Variants in CALN1 observed in about 807,000 individuals in gnomAD.
CALN1 encodes calcium-binding protein 8.
A neutral mutation model predicts 30.6 loss-of-function variants in CALN1; 17 were observed. That is an observed-to-expected ratio of 0.56 (90% confidence interval 0.38 to 0.83). CALN1 has a LOEUF of 0.83. Ranked by LOEUF, CALN1 falls within the 40% of genes least tolerant of loss-of-function variation. The probability of loss-of-function intolerance (pLI) is 0.00; values close to 1 mark genes in which losing one functional copy is unlikely to be tolerated. For synonymous variants in CALN1, 156 were observed against 131.4 expected (o/e 1.19, Z -1.28); for missense variants, 291 against 354.9 (o/e 0.82, Z 1.45).
intron 4 of CALN1, among the ~76,000 whole-genome samples, chr7:72,043,371 A>C (rs1281711799): frequency 6.6e-6 from 1 of 152,232 alleles, no homozygotes; most frequent in African/African-American, 2.4e-5. Flanking sequence ...CAACAAGCAC[A>C]AAGTTTGTAT....
chr7:71,852,984 G>A (rs1790737095), intron 5 of CALN1, among the ~76,000 whole-genome samples: 2 of 152,094 alleles, frequency 1.3e-5, no homozygotes, highest in African/African-American at 4.8e-5. Context: ...TTCTCAGATA[G>A]ATACGTTGAA....
At chr7:72,079,095 A>G (rs1022466517) in intron 4 of CALN1, among the ~76,000 whole-genome samples, 2 of 152,172 alleles carry the variant, frequency 1.3e-5, no homozygotes, top group African/African-American at 4.8e-5. Flanking sequence ...GCTCTATTCT[A>G]GGCTAATAGA....
At chr7:72,182,106 TAAAG>T (rs1259676620) in intron 3 of CALN1, among the ~76,000 whole-genome samples, 4 of 152,154 alleles carry the variant, frequency 2.6e-5, no homozygotes, top group Admixed American at 6.5e-5. Flanking sequence ...ACAGGCTTCT[TAAAG>T]AAATAAATGA....
chr7:71,944,653 C>A (rs1796317390), intron 5 of CALN1, among the ~76,000 whole-genome samples: 1 of 146,336 alleles, frequency 6.8e-6, no homozygotes, highest in African/African-American at 2.5e-5. Context: ...TAATAATTTA[C>A]CTATTGTGTC....
At position 72,390,778 on chromosome 7, in the gene CALN1, A is replaced by G. The variant is rs564328393; in HGVS notation, c.119+12473T>C. Among the ~76,000 whole-genome samples, 8 of 152,326 alleles carry G rather than the reference A, an allele frequency of 5.3e-5. No individual in the cohort carries two copies. In the East Asian group the frequency reaches 1.3e-3, roughly 26 times the overall value. ...ATCTACCAATAGCCCTTATTATTTA[A>G]TACATCAACAAGGAAGCACATGTGT... On this transcript the variant is annotated intron_variant, in intron 2 of 6. Transcript: ENST00000395275.
At chr7:72,354,047 C>T (rs1444563667) in intron 2 of CALN1, among the ~76,000 whole-genome samples, 9 of 152,130 alleles carry the variant, frequency 5.9e-5, no homozygotes, top group East Asian at 3.9e-4. Context: ...ATTAGCCAGG[C>T]GTGGTGGTGG....
intron 2 of CALN1, among the ~76,000 whole-genome samples, chr7:72,370,914 G>A (rs1430037267): frequency 6.6e-6 from 1 of 151,902 alleles, no homozygotes; most frequent in Non-Finnish European, 1.5e-5. Context: ...GGGTTGTGGT[G>A]GCATGTGCCT....
At chr7:72,184,170 CATG>C (rs1159988556) in intron 3 of CALN1, among the ~76,000 whole-genome samples, 1 of 152,176 alleles carries the variant, frequency 6.6e-6, no homozygotes, top group East Asian at 1.9e-4. Context: ...CACAGCGTGG[CATG>C]ATGGTTAATT....
rs539148890 is a variant in CALN1 at position 71,895,915 on chromosome 7, T to C, written c.502-85423A>G. On this transcript the variant is annotated intron_variant, in intron 5 of 6. Transcript: ENST00000395275. ...ATCATTACCTTAGATTCTAAACTAA[T>C]AGGAGGGAGGCTCCAAATGTCAATT... is the stretch of plus-strand genomic sequence containing the variant. Among the ~76,000 whole-genome samples the C allele has an allele frequency of 4.6e-5, 7 of 152,300 alleles. No homozygotes were observed. The South Asian group carries it at 1.5e-3, about 32-fold the overall frequency.
intron 4 of CALN1, among the ~76,000 whole-genome samples, chr7:72,051,120 G>C (rs1294762188): frequency 6.6e-6 from 1 of 151,816 alleles, no homozygotes; most frequent in Non-Finnish European, 1.5e-5. Flanking sequence ...TAGGGGTAAT[G>C]ATATAATTAG....
intron 3 of CALN1, among the ~76,000 whole-genome samples, chr7:72,176,043 G>T (rs1789327255): frequency 6.6e-6 from 1 of 152,132 alleles, no homozygotes; most frequent in South Asian, 2.1e-4. Flanking sequence ...TCCCAGATAA[G>T]CAAGACAAAG....
intron 2 of CALN1, among the ~76,000 whole-genome samples, chr7:72,322,423 G>A (rs1294470206): frequency 6.6e-6 from 1 of 152,116 alleles, no homozygotes; most frequent in Non-Finnish European, 1.5e-5. Flanking sequence ...AACAGGCCAT[G>A]GACCAGTCAG....
At chr7:71,946,295 G>A (rs569540060) in intron 5 of CALN1, among the ~76,000 whole-genome samples, 1 of 151,560 alleles carries the variant, frequency 6.6e-6, no homozygotes, top group South Asian at 2.1e-4. Context: ...AATTCTTATA[G>A]AAATAGTGAC....
intron 5 of CALN1, among the ~76,000 whole-genome samples, chr7:71,881,360 A>G (rs1296292930): frequency 6.6e-6 from 1 of 152,122 alleles, no homozygotes; most frequent in East Asian, 1.9e-4. Flanking sequence ...CTTCATATAT[A>G]CATCTATCCT....
chr7:72,116,003 T>G (rs549625012), intron 3 of CALN1, among the ~76,000 whole-genome samples: 19 of 152,294 alleles, frequency 1.2e-4, no homozygotes, highest in Admixed American at 7.2e-4. Flanking sequence ...AGGATCTCAT[T>G]CATTTTTATG....
upstream of CALN1, among the ~76,000 whole-genome samples, chr7:72,414,855 G>A (rs150049211): frequency 6.6e-6 from 1 of 152,324 alleles, no homozygotes; most frequent in Non-Finnish European, 1.5e-5. Context: ...ATGCTATGGA[G>A]TGAATTGTGT....
intron 1 of CALN1, among the ~76,000 whole-genome samples, chr7:72,435,560 A>G (rs1030648327): frequency 3.3e-5 from 5 of 152,180 alleles, no homozygotes; most frequent in African/African-American, 1.2e-4. Context: ...GGAGAGCCTC[A>G]GGCAGCACAG....
chr7:72,062,511 CAA>C (rs376093442), intron 4 of CALN1, among the ~76,000 whole-genome samples: 1 of 59,368 alleles, frequency 1.7e-5, no homozygotes, highest in African/African-American at 7.7e-5. Flanking sequence ...GACTCTATCT[CAA>C]AAAAAAAAAA....
chr7:72,172,742 C>G (rs527965195), intron 3 of CALN1, among the ~76,000 whole-genome samples: 79 of 152,284 alleles, frequency 5.2e-4, no homozygotes, highest in African/African-American at 1.7e-3. Flanking sequence ...AATTTAACAA[C>G]TATTCATGGT....
Sources: allele counts gnomAD v4.1 joint callset (sites outside exome capture counted in the v4.1 genomes callset), GRCh38; gene constraint gnomAD v4.1.1; transcripts MANE v1.5; gene names NCBI Gene and HGNC (gene_info 2026-07-23, HGNC 2026-07-21).